Variants in EFCAB9 observed in about 807,000 individuals in gnomAD.
EFCAB9 encodes the protein EF-hand calcium binding domain 9.
A neutral mutation model predicts 15.6 loss-of-function variants in EFCAB9; 16 were observed. The observed-to-expected ratio is 1.03, with a 90% CI of 0.69 to 1.56. EFCAB9 has a LOEUF of 1.56. Among genes scored for constraint, EFCAB9 ranks in the 40% most tolerant of loss-of-function variants. The pLI, the probability that EFCAB9 is intolerant of heterozygous loss-of-function variation, is 0.00. For synonymous variants in EFCAB9, 76 were observed against 85.4 expected (o/e 0.89, Z 0.61); for missense variants, 208 against 235.4 (o/e 0.88, Z 0.76).
chr5:172,197,408 G>C (rs1002843259), intron 1 of EFCAB9, among the ~76,000 whole-genome samples: 4 of 152,080 alleles, frequency 2.6e-5, no homozygotes, highest in African/African-American at 9.7e-5. Flanking sequence ...CGCCCAACGT[G>C]AGGCACACCT....
At position 172,203,360 on chromosome 5, in the gene EFCAB9, A is replaced by G; in HGVS notation, c.*15A>G. 1 of 1,522,586 alleles carries G rather than the reference A, an allele frequency of 6.6e-7. No homozygotes were observed. The highest frequency in any genetic ancestry group is 8.7e-7 in the Non-Finnish European group (1 of 1,143,114). The allele number at this position is 1,522,586 out of a possible 1,614,324, so 94.3% of individuals were successfully genotyped here. A position where few individuals can be genotyped will look rare whatever the true frequency, so the allele number is the denominator to read the frequency against. Reference sequence around the variant, plus strand: ...ACATCAAGTAGATACAAGCTGAAAGAGTCTTGGAAAAAAATGGGATCTGAA... The same window carrying G: ...ACATCAAGTAGATACAAGCTGAAAGGGTCTTGGAAAAAAATGGGATCTGAA... On this transcript the variant is annotated 3_prime_UTR_variant, in exon 4 of 4. Coordinates refer to ENST00000398186, the MANE Select transcript of EFCAB9 (RefSeq NM_001171183.2).
rs760270558 is a variant in EFCAB9, at chr5:172,200,582, A to G, written c.302A>G (p.Gln101Arg). 3.9e-6 allele frequency: 6 copies of G among 1,536,268 alleles called. No individual in the cohort carries two copies. Among genetic ancestry groups the G allele is most frequent in the Admixed American group, 2.0e-5 (1 of 50,712 alleles). ...TCGCAATAGAACCATTTGGAAGGAC[A>G]GTTTATGTATCGTCATTCCCGGCCT... Reference protein sequence around the residue: ...LLAHQNHLEGQFMYRHSRPVF... With the variant: ...LLAHQNHLEGRFMYRHSRPVF... Residue 101 changes from glutamine to arginine, a missense_variant, in exon 3 of 4, where the codon CAG (glutamine) becomes CGG (arginine). Gln to Arg is a conservative substitution (Grantham distance 43). Transcript: ENST00000398186.
At position 172,199,434 on chromosome 5, in the gene EFCAB9, A is replaced by C; in HGVS notation, c.188A>C (p.Gln63Pro). 6.5e-7 allele frequency: 1 copy of C among 1,537,298 alleles called. No individual in the cohort carries two copies. Among genetic ancestry groups the C allele is most frequent in the Non-Finnish European group, 8.7e-7 (1 of 1,146,898 alleles). ...LHHVTDLKKA[Q>P]INIVFDMLDW... is the part of the protein sequence containing the mutation. ...CATGTGACTGACTTGAAAAAGGCAC[A>C]GATCAACATTGTGTTTGACATGCTG... Residue 63 changes from glutamine to proline, a missense_variant, in exon 2 of 4, where the codon CAG (glutamine) becomes CCG (proline). Transcript: ENST00000398186.
chr5:172,201,815 C>T, intron 3 of EFCAB9, among the ~76,000 whole-genome samples: 1 of 152,036 alleles, frequency 6.6e-6, no homozygotes, highest in East Asian at 1.9e-4. Context: ...TCCAGGCCAG[C>T]CCGGGCAACA....
chr5:172,203,245 C>T lies in EFCAB9; in HGVS notation c.494C>T (p.Thr165Ile), dbSNP rs948208252. 3 of 1,534,656 alleles carry T rather than the reference C, an allele frequency of 2.0e-6. No individual in the cohort carries two copies. Among genetic ancestry groups the T allele is most frequent in the African/African-American group, 2.7e-5 (2 of 72,734 alleles). Reference sequence around the variant, plus strand: ...AATTATCAGGAATTTAAGCTGTATACAATCATCTACACTGACAAATTACAG... The same window carrying T: ...AATTATCAGGAATTTAAGCTGTATATAATCATCTACACTGACAAATTACAG... ...RLNYQEFKLY[T>I]IIYTDKLQKR... Residue 165 changes from threonine to isoleucine, a missense_variant, in exon 4 of 4, where the codon ACA becomes ATA. By Grantham distance (89) the Thr-to-Ile change is moderately conservative. Transcript: ENST00000398186.
At position 172,203,441 on chromosome 5, in the gene EFCAB9, A is replaced by G; in HGVS notation, c.*96A>G. 1 of 1,398,840 alleles carries G rather than the reference A, an allele frequency of 7.1e-7. No homozygotes were observed. Among genetic ancestry groups the G allele is most frequent in the South Asian group, 1.5e-5 (1 of 66,538 alleles). The allele number at this position is 1,398,840 out of a possible 1,614,324, so 86.7% of individuals were successfully genotyped here. Reference sequence around the variant, plus strand: ...TTAACATGTCTAAAAATAAATTCAGAGCATCAAAGTAGATATCTTTATAAT... The same window carrying G: ...TTAACATGTCTAAAAATAAATTCAGGGCATCAAAGTAGATATCTTTATAAT... On this transcript the variant is annotated 3_prime_UTR_variant, in exon 4 of 4. Transcript: ENST00000398186.
Position 172,202,916 on chromosome 5 carries a change from C to T in EFCAB9, c.463-298C>T, listed in dbSNP as rs375292633. On this transcript the variant is annotated intron_variant, in intron 3 of 3. Transcript: ENST00000398186. ...TCAGGAGGCTGAGGCAGGGGTATCA[C>T]TTGAACCTGGGAGGTGGAGTTGCAG... 3.3e-4 allele frequency among the ~76,000 whole-genome samples: 51 copies of T among 152,244 alleles called. No homozygotes were observed. The East Asian group carries it at 4.6e-3, about 14-fold the overall frequency.
At chr5:172,195,551 G>A (rs2113857467) in intron 1 of EFCAB9, among the ~76,000 whole-genome samples, 1 of 152,340 alleles carries the variant, frequency 6.6e-6, no homozygotes, top group Admixed American at 6.5e-5. Context: ...TGGAAACGCA[G>A]GGCTCTCTGC....
chr5:172,200,388 G>A (rs1465562324), intron 2 of EFCAB9, among the ~76,000 whole-genome samples, 178 bp from the exon 3 acceptor site: 2 of 152,224 alleles, frequency 1.3e-5, no homozygotes, highest in Non-Finnish European at 2.9e-5. Context: ...GAATGCAGAT[G>A]CTGAAGTGGG....
At chr5:172,196,273 C>T (rs778173763) in intron 1 of EFCAB9, among the ~76,000 whole-genome samples, 1 of 152,126 alleles carries the variant, frequency 6.6e-6, no homozygotes, top group Non-Finnish European at 1.5e-5. Flanking sequence ...CATCAAGAGG[C>T]GGTCAGAAGC....
In EFCAB9 at chr5:172,203,317, G is replaced by A; in HGVS notation, c.566G>A (p.Ser189Asn). 4 of 1,534,018 alleles carry A rather than the reference G, an allele frequency of 2.6e-6. No homozygotes were observed. The highest frequency in any genetic ancestry group is 3.5e-6 in the Non-Finnish European group (4 of 1,146,172). ...AAAGAAAAAGGAGAGAGAAAGAGAAGTCTCTACTCAAAATGTCACATCAAG... is the reference window on the plus strand; with the variant it reads ...AAAGAAAAAGGAGAGAGAAAGAGAAATCTCTACTCAAAATGTCACATCAAG... ...EEKEKGERKR[S>N]LYSKCHIK The change falls in exon 4 of 4, where the codon AGT becomes AAT. Residue 189 changes from serine (S) to asparagine (N), a missense_variant. By Grantham distance (46) the Ser-to-Asn change is conservative (BLOSUM62 1). Transcript: ENST00000398186.
chr5:172,200,695 CAGG>C lies in EFCAB9; in HGVS notation c.417_419del (p.Glu140del). 1 of 1,537,480 alleles carries C rather than the reference CAGG, an allele frequency of 6.5e-7. No individual in the cohort carries two copies. Among genetic ancestry groups the C allele is most frequent in the Non-Finnish European group, 8.7e-7 (1 of 1,146,946 alleles). On this transcript the variant is annotated inframe_deletion, in exon 3 of 4. Transcript: ENST00000398186. ...CAGATTTCTCTTCAATATTCAAAAA[CAGG>C]AACTCAAAGATCTCTTCCGTGACTT... is the stretch of plus-strand genomic sequence containing the variant.
chr5:172,198,034 G>A (rs551499583), intron 1 of EFCAB9, among the ~76,000 whole-genome samples: 16 of 152,150 alleles, frequency 1.1e-4, no homozygotes, highest in East Asian at 5.8e-4. Flanking sequence ...GTGCTGATTC[G>A]TGCATTTACA....
chr5:172,202,122 C>T (rs1181264886), intron 3 of EFCAB9, among the ~76,000 whole-genome samples: 4 of 151,744 alleles, frequency 2.6e-5, no homozygotes, highest in East Asian at 1.9e-4. Context: ...GGGCAGATCA[C>T]GAGGACAGGA....
At chr5:172,198,352 T>C (rs1021506859) in intron 1 of EFCAB9, among the ~76,000 whole-genome samples, 1 of 151,936 alleles carries the variant, frequency 6.6e-6, no homozygotes, top group Non-Finnish European at 1.5e-5. Context: ...CTACAAAAAA[T>C]TAAAAAATTA....
chr5:172,194,235 A>G lies in EFCAB9; in HGVS notation c.63A>G (p.Leu21=), dbSNP rs758653356. Residue 21 remains leucine (L), a synonymous_variant, in exon 1 of 4, where the codon TTA becomes TTG. Transcript: ENST00000398186. ...YLYLDKIYCL[L]SVRNVKALAE... ...ATCTGGACAAAATATACTGCTTATT[A>G]TCCGTGAGAAACGTGAAGGCTTTGG... The G allele has an allele frequency of 3.0e-5, 46 of 1,537,718 alleles. 1 individual carries two copies. The South Asian group carries it at 5.5e-4, about 18-fold the overall frequency.
At chr5:172,203,193 T>TTTC (rs201583078) in intron 3 of EFCAB9, 21 bp from the exon 4 acceptor site, 28 of 1,460,068 alleles carry the variant, frequency 1.9e-5, no homozygotes, top group South Asian at 6.8e-5. Flanking sequence ...AATTTTTCTT[T>TTTC]CCCCCCCACC....
At chr5:172,198,514 C>A (rs560252764) in intron 1 of EFCAB9, among the ~76,000 whole-genome samples, 1 of 152,154 alleles carries the variant, frequency 6.6e-6, no homozygotes, top group Non-Finnish European at 1.5e-5. Context: ...GTGCCTAACA[C>A]ATAAGGTGGT....
intron 1 of EFCAB9, among the ~76,000 whole-genome samples, chr5:172,194,927 G>GA (rs11396641): frequency 0.19 from 27,406 of 147,938 alleles, 2,685 homozygotes; most frequent in East Asian, 0.36. Context: ...CTCATAGTTG[G>GA]AAAAAAAAAA....
Sources: allele counts gnomAD v4.1 joint callset (sites outside exome capture counted in the v4.1 genomes callset), GRCh38; gene constraint gnomAD v4.1.1; transcripts MANE v1.5; gene names NCBI Gene and HGNC (gene_info 2026-07-23, HGNC 2026-07-21).